SYTL2: variants seen among roughly 807,000 people sequenced by gnomAD.
SYTL2 encodes synaptotagmin-like protein 2.
SYTL2 carries 165 observed loss-of-function variants against 198.7 expected under a neutral mutation model. The observed-to-expected ratio is 0.83, with a 90% CI of 0.73 to 0.94. The LOEUF is 0.94. SYTL2 is among the 40% of genes least tolerant of loss of function. SYTL2 has a pLI of 0.00. For synonymous variants in SYTL2, 966 were observed against 917.7 expected (o/e 1.05, Z -0.95); for missense variants, 2,835 against 2,582.8 (o/e 1.10, Z -2.12).
the SYTL2 span, among the ~76,000 whole-genome samples, chr11:85,819,505 T>A: frequency 6.6e-6 from 1 of 152,202 alleles, no homozygotes; most frequent in African/African-American, 2.4e-5. Flanking sequence ...TCTGCCCACA[T>A]GGCCTCTCAT....
the SYTL2 span, chr11:85,853,441 T>C: frequency 2.3e-5 from 9 of 389,168 alleles, no homozygotes; most frequent in African/African-American, 1.3e-4. Context: ...ATGGGCTTTG[T>C]TAAACAGATG....
At position 85,734,698 on chromosome 11, in the gene SYTL2, A is replaced by C; in HGVS notation, c.631T>G (p.Ser211Ala). 1.2e-6 allele frequency: 2 copies of C among 1,614,078 alleles called. No homozygotes were observed. Among genetic ancestry groups the C allele is most frequent in the Non-Finnish European group, 1.7e-6 (2 of 1,179,988 alleles). Residue 211 changes from serine to alanine, a missense_variant, in exon 7 of 20, where the codon TCA becomes GCA. Ser to Ala is a moderately conservative substitution (Grantham distance 99, BLOSUM62 1). Around this residue, in one of 3 missense-constraint regions of SYTL2, gnomAD observed 2,645 missense variants for 2,381.7 expected, o/e 1.11. Coordinates refer to ENST00000359152, the MANE Select transcript of SYTL2 (RefSeq NM_206927.4). ...TTTGATTTCTCTAACTTTTGGATTG[A>C]AGTATCTGCGACAGTTGACTTTTCT... ...SKEKSTVADT[S>A]IQKLEKSKQT...
chr11:85,727,309 A>C lies in SYTL2; in HGVS notation c.2049T>G (p.Val683=). The change falls in exon 8 of 20, where the codon GTT becomes GTG. Residue 683 remains valine, a synonymous_variant. Coordinates refer to ENST00000359152, the MANE Select transcript of SYTL2 (RefSeq NM_206927.4). ...TGCCAATATTATTAGTGTTGCATGG[A>C]ACTTGGTTTTCTGCATCAGATTCCT... ...VLKESDAENQ[V]PCNTNNIGNL... 1 of 1,535,738 alleles carries C rather than the reference A, an allele frequency of 6.5e-7. No individual in the cohort carries two copies.
intron 7 of SYTL2, chr11:85,733,493 G>T (rs2090006465): frequency 6.5e-6 from 1 of 153,716 alleles, no homozygotes; most frequent in South Asian, 2.0e-4. Flanking sequence ...ATTTCCAGTG[G>T]CATCTGTCTG....
intron 1 of SYTL2, among the ~76,000 whole-genome samples, chr11:85,781,697 GA>G (rs991010552): frequency 6.6e-6 from 1 of 152,206 alleles, no homozygotes; most frequent in Non-Finnish European, 1.5e-5. Context: ...TGGCAGAAAT[GA>G]AGGGGCAACA....
the SYTL2 span, among the ~76,000 whole-genome samples, chr11:85,839,665 C>G: frequency 6.6e-6 from 1 of 152,158 alleles, no homozygotes; most frequent in Non-Finnish European, 1.5e-5. Flanking sequence ...ATGTTACATT[C>G]TCTTTATCCA....
intron 14 of SYTL2, among the ~76,000 whole-genome samples, 164 bp from the exon 15 acceptor site, chr11:85,707,695 G>A (rs1328664819): frequency 1.3e-5 from 2 of 152,136 alleles, no homozygotes; most frequent in African/African-American, 2.4e-5. Context: ...ATACTTAAAT[G>A]TGTAAAGGGT....
At chr11:85,801,977 G>T (rs1298055914) in intron 1 of SYTL2, among the ~76,000 whole-genome samples, 2 of 151,694 alleles carry the variant, frequency 1.3e-5, no homozygotes, top group African/African-American at 4.8e-5. Flanking sequence ...ACCATGCCCG[G>T]CTAAGTTTTT....
At position 85,707,482 on chromosome 11, in the gene SYTL2, T is replaced by C. The variant is rs1174197811; in HGVS notation, c.5965A>G (p.Lys1989Glu). 1 of 1,613,980 alleles carries C rather than the reference T, an allele frequency of 6.2e-7. No individual in the cohort carries two copies. The highest frequency in any genetic ancestry group is 8.5e-7 in the Non-Finnish European group (1 of 1,180,000). ...AAGGTTTTCTTCACTACGAGTGTTTTCTTCTTGCCCATTTTGCCTTTGTCT... is the reference window on the plus strand; with the variant it reads ...AAGGTTTTCTTCACTACGAGTGTTTCCTTCTTGCCCATTTTGCCTTTGTCT... ...LPDKGKMGKK[K>E]TLVVKKTLNP... The change falls in exon 15 of 20, where the codon AAA (lysine) becomes GAA (glutamate). Residue 1989 changes from lysine to glutamate, a missense_variant. Physicochemically the swap from Lys to Glu is moderately conservative, Grantham distance 56 (BLOSUM62 1). Coordinates refer to ENST00000359152, the MANE Select transcript of SYTL2 (RefSeq NM_206927.4).
intron 15 of SYTL2, among the ~76,000 whole-genome samples, chr11:85,705,819 T>C (rs951471254): frequency 5.3e-5 from 8 of 152,190 alleles, no homozygotes; most frequent in African/African-American, 1.4e-4. Flanking sequence ...AGGGTTGAAG[T>C]AGCTGACCCA....
the SYTL2 span, among the ~76,000 whole-genome samples, chr11:85,834,085 T>C: frequency 6.6e-6 from 1 of 151,950 alleles, no homozygotes; most frequent in Non-Finnish European, 1.5e-5. Context: ...GAACATGAAC[T>C]TGCAATTAAA....
At chr11:85,777,836 T>TTTTTC (rs1350563232) in intron 1 of SYTL2, among the ~76,000 whole-genome samples, 2 of 137,546 alleles carry the variant, frequency 1.5e-5, no homozygotes, top group African/African-American at 6.2e-5. Context: ...TTTTTTTTTT[T>TTTTTC]TGAGACCGAG....
the SYTL2 span, among the ~76,000 whole-genome samples, chr11:85,843,936 C>T: frequency 6.6e-6 from 1 of 152,174 alleles, no homozygotes; most frequent in East Asian, 1.9e-4. Context: ...TGTTCTTAAA[C>T]AAAATAAGCA....
At chr11:85,712,851 G>A (rs963660389) in intron 12 of SYTL2, among the ~76,000 whole-genome samples, 3 of 151,850 alleles carry the variant, frequency 2.0e-5, no homozygotes, top group Non-Finnish European at 4.4e-5. Flanking sequence ...CAAGTAGCTG[G>A]GATTATAGAC....
intron 7 of SYTL2, among the ~76,000 whole-genome samples, chr11:85,731,797 A>G (rs2089858743): frequency 6.6e-6 from 1 of 152,242 alleles, no homozygotes; most frequent in Non-Finnish European, 1.5e-5. Flanking sequence ...TGAAGAGGCA[A>G]CCTACAGAAT....
the SYTL2 span, among the ~76,000 whole-genome samples, chr11:85,850,530 G>A: frequency 6.6e-6 from 1 of 151,380 alleles, no homozygotes; most frequent in African/African-American, 2.4e-5. Flanking sequence ...GAAACAACAG[G>A]TGCTGGAGAG....
intron 1 of SYTL2, among the ~76,000 whole-genome samples, chr11:85,786,088 T>C (rs2153611439): frequency 1.3e-5 from 2 of 152,308 alleles, no homozygotes; most frequent in Non-Finnish European, 2.9e-5. Flanking sequence ...GGAAAAACTC[T>C]TGATAGACAC....
In SYTL2 at chr11:85,801,460, A is replaced by T. The variant is rs116223700; in HGVS notation, c.-390+9494T>A. Among the ~76,000 whole-genome samples, 1,485 of 152,334 alleles carry T rather than the reference A, an allele frequency of 9.7e-3. 23 individuals are homozygous for T. Among genetic ancestry groups the T allele is most frequent in the African/African-American group, 0.033 (1,391 of 41,574 alleles). ...GCATATGGAGTCACCATTTTCCAAC[A>T]CATTATGTACTCTCCTATAGAAGTC... is the stretch of plus-strand genomic sequence containing the variant. On this transcript the variant is annotated intron_variant, in intron 1 of 19. Transcript: ENST00000359152.
Position 85,793,630 on chromosome 11 carries a change from A to G in SYTL2, c.-390+17324T>C, listed in dbSNP as rs535136246. Among the ~76,000 whole-genome samples, 4 of 152,340 alleles carry G rather than the reference A, an allele frequency of 2.6e-5. No individual in the cohort carries two copies. In the South Asian group the frequency reaches 6.2e-4, roughly 24 times the overall value. The stretch of plus-strand genomic sequence containing the variant: ...TTTAATTTGAGATATCTCATAACCA[A>G]TATTTTATAACCTGTCCTTAAAAAT... On this transcript the variant is annotated intron_variant, in intron 1 of 19. Transcript: ENST00000359152.
Sources: allele counts gnomAD v4.1 joint callset (sites outside exome capture counted in the v4.1 genomes callset), GRCh38; gene constraint gnomAD v4.1.1; regional missense constraint gnomAD v4.1.1; transcripts MANE v1.5; gene names NCBI Gene and HGNC (gene_info 2026-07-23, HGNC 2026-07-21).